The following PTCHD4 variants were observed in gnomAD, a reference collection of about 807,000 sequenced individuals.
PTCHD4 encodes patched domain containing 4.
In PTCHD4, 33 loss-of-function variants were observed where a neutral mutation model predicts 58.1. That is an observed-to-expected ratio of 0.57 (90% CI 0.43 to 0.76). PTCHD4 has a LOEUF of 0.76. Among genes scored for constraint, PTCHD4 ranks in the 30% least tolerant of loss-of-function variants. PTCHD4 has a pLI of 0.00. For synonymous variants in PTCHD4, 478 were observed against 409.6 expected (o/e 1.17, Z -2.02); for missense variants, 1,058 against 1,027.1 (o/e 1.03, Z -0.41).
intron 1 of PTCHD4, among the ~76,000 whole-genome samples, chr6:48,106,630 G>A (rs1765730742): frequency 6.6e-6 from 1 of 152,082 alleles, no homozygotes; most frequent in African/African-American, 2.4e-5. Flanking sequence ...GGAAATAAAG[G>A]GCATTCAATT....
At chr6:47,917,863 C>T (rs182560700) in intron 4 of PTCHD4, among the ~76,000 whole-genome samples, 2 of 152,076 alleles carry the variant, frequency 1.3e-5, no homozygotes, top group East Asian at 1.9e-4. Context: ...TAGTTGTAAC[C>T]ATGAAAAGTG....
Position 47,868,931 on chromosome 6 carries a change from G to C in PTCHD4, c.*9372C>G, listed in dbSNP as rs1305072007. Among the ~76,000 whole-genome samples, 1 of 151,488 alleles carries C rather than the reference G, an allele frequency of 6.6e-6. No homozygotes were observed. The highest frequency in any genetic ancestry group is 2.4e-5 in the African/African-American group (1 of 41,290). ...AAACATTTCCAGGAAAGACATAAAGGCATCCTTGTTTTTAAGAAAACATAC... is the reference window on the plus strand; with the variant it reads ...AAACATTTCCAGGAAAGACATAAAGCCATCCTTGTTTTTAAGAAAACATAC... On this transcript the variant is annotated 3_prime_UTR_variant, in exon 5 of 5. Coordinates refer to ENST00000339488, the MANE Select transcript of PTCHD4 (RefSeq NM_001384253.1).
At chr6:48,065,162 G>A (rs1764754430) in intron 3 of PTCHD4, among the ~76,000 whole-genome samples, 1 of 152,128 alleles carries the variant, frequency 6.6e-6, no homozygotes, top group South Asian at 2.1e-4. Context: ...TCATAACAAA[G>A]GTTTCTGACC....
At chr6:47,975,019 A>G (rs1472725616) in intron 4 of PTCHD4, among the ~76,000 whole-genome samples, 2 of 152,134 alleles carry the variant, frequency 1.3e-5, no homozygotes, top group South Asian at 4.1e-4. Context: ...AACAAACAAA[A>G]CAAAACAGTT....
chr6:47,921,602 A>G (rs1208815083), intron 4 of PTCHD4, among the ~76,000 whole-genome samples: 1 of 152,094 alleles, frequency 6.6e-6, no homozygotes, highest in Non-Finnish European at 1.5e-5. Flanking sequence ...TCTTTAAGAG[A>G]CAGTGCCATG....
chr6:47,878,059 G>A lies in PTCHD4; in HGVS notation c.*244C>T. 5.4e-6 allele frequency: 2 copies of A among 371,102 alleles called. No homozygotes were observed. The highest frequency in any genetic ancestry group is 4.3e-5 in the East Asian group (1 of 23,244). The allele number at this position is 371,102 out of a possible 1,614,324, so 23.0% of individuals were successfully genotyped here. The stretch of plus-strand genomic sequence containing the variant: ...ATTGATTCATCCATTCCTTGGAAGA[G>A]CTCTCAGATTACATCCAGAAACTTG... On this transcript the variant is annotated 3_prime_UTR_variant, in exon 5 of 5. Transcript: ENST00000339488.
At chr6:47,940,441 G>A (rs1426388738) in intron 4 of PTCHD4, among the ~76,000 whole-genome samples, 1 of 151,942 alleles carries the variant, frequency 6.6e-6, no homozygotes, top group Non-Finnish European at 1.5e-5. Flanking sequence ...AGAGAGAGAG[G>A]GAAGCAATTT....
At chr6:47,997,949 T>C (rs969088046) in intron 4 of PTCHD4, among the ~76,000 whole-genome samples, 1 of 152,098 alleles carries the variant, frequency 6.6e-6, no homozygotes, top group Admixed American at 6.6e-5. Context: ...ATCTAGGAAG[T>C]ATATCTCCCA....
At chr6:48,064,809 T>A (rs1764743468) in intron 3 of PTCHD4, among the ~76,000 whole-genome samples, 2 of 152,190 alleles carry the variant, frequency 1.3e-5, no homozygotes. Context: ...ATATGATTTG[T>A]GTGCCTAGTG....
In PTCHD4 at chr6:47,861,492, T is replaced by C. The variant is rs1763424684; in HGVS notation, c.*16811A>G. ...TCAAGGCTGTATCTGCTGTGTTTAATACACTAATCAATCATTAGGCATCCT... is the reference window on the plus strand; with the variant it reads ...TCAAGGCTGTATCTGCTGTGTTTAACACACTAATCAATCATTAGGCATCCT... On this transcript the variant is annotated 3_prime_UTR_variant, in exon 5 of 5. Transcript: ENST00000339488. Among the ~76,000 whole-genome samples, 3 of 151,950 alleles carry C rather than the reference T, an allele frequency of 2.0e-5. No homozygotes were observed. The highest frequency in any genetic ancestry group is 2.1e-4 in the South Asian group (1 of 4,832).
At chr6:48,029,424 G>C (rs1410971922) in intron 3 of PTCHD4, among the ~76,000 whole-genome samples, 3 of 151,998 alleles carry the variant, frequency 2.0e-5, no homozygotes, top group African/African-American at 7.2e-5. Context: ...AAAATTGTTA[G>C]CCCAATATCA....
At position 47,925,568 on chromosome 6, in the gene PTCHD4, C is replaced by T. The variant is rs77927395; in HGVS notation, c.899-45632G>A. ...GAGGACCTGACAGATTTCTTTCTGA[C>T]TTGCTGCAATCCTAAAAGAAGCACA... On this transcript the variant is annotated intron_variant, in intron 4 of 4. Transcript: ENST00000339488. 8.4e-3 allele frequency among the ~76,000 whole-genome samples: 1,282 copies of T among 152,336 alleles called. 31 individuals carry two copies. Among genetic ancestry groups the T allele is most frequent in the African/African-American group, 0.029 (1,213 of 41,578 alleles).
At chr6:47,898,239 C>A (rs575869057) in intron 4 of PTCHD4, among the ~76,000 whole-genome samples, 1 of 152,252 alleles carries the variant, frequency 6.6e-6, no homozygotes, top group African/African-American at 2.4e-5. Context: ...CCACTGCACC[C>A]AGCCATCATT....
intron 1 of PTCHD4, among the ~76,000 whole-genome samples, chr6:48,095,374 A>G (rs1382912292): frequency 1.3e-5 from 2 of 152,180 alleles, no homozygotes; most frequent in Non-Finnish European, 2.9e-5. Flanking sequence ...CTTATTCCAT[A>G]GTGATCTTCT....
rs1351598198 is a variant in PTCHD4, at chr6:47,893,100, T to A, written c.899-13164A>T. On this transcript the variant is annotated intron_variant, in intron 4 of 4. Transcript: ENST00000339488. ...ATCTTGGCTCACTGCAACCTCTGCC[T>A]CCCGGGTTCAAGCGATTTTCCTGCC... Among the ~76,000 whole-genome samples, 3 of 152,306 alleles carry A rather than the reference T, an allele frequency of 2.0e-5. No homozygotes were observed. The East Asian group carries it at 5.8e-4, about 29-fold the overall frequency.
At chr6:47,977,452 A>C (rs1767733615) in intron 4 of PTCHD4, among the ~76,000 whole-genome samples, 1 of 152,206 alleles carries the variant, frequency 6.6e-6, no homozygotes, top group Non-Finnish European at 1.5e-5. Flanking sequence ...TCAACAGCTC[A>C]TGAGGAGTTG....
intron 4 of PTCHD4, among the ~76,000 whole-genome samples, chr6:47,935,647 T>A (rs1765972035): frequency 1.3e-5 from 2 of 152,170 alleles, no homozygotes; most frequent in Admixed American, 6.5e-5. Flanking sequence ...CTGGTATGCA[T>A]TTAATTATGC....
rs201377289 is a variant in PTCHD4, at chr6:47,897,018, G to GT, written c.899-17083dup. ...AGTACCTGGCACTCAGTAAATATTA[G>GT]TTTTTTTTGTAAAATTGAGGAATGA... is the stretch of plus-strand genomic sequence containing the variant. On this transcript the variant is annotated intron_variant, in intron 4 of 4. Transcript: ENST00000339488. Among the ~76,000 whole-genome samples the GT allele has an allele frequency of 6.3e-4, 95 of 151,876 alleles. 1 individual carries two copies. In the East Asian group the frequency reaches 7.9e-3, roughly 13 times the overall value.
chr6:48,038,043 C>T lies in PTCHD4; in HGVS notation c.418-28929G>A, dbSNP rs116827247. On this transcript the variant is annotated intron_variant, in intron 3 of 4. Transcript: ENST00000339488. ...TAGTAATGTCACTCTCGGTGGCTGACCAAAAAGAAAAAATAAAGACTAAAA... is the reference window on the plus strand; with the variant it reads ...TAGTAATGTCACTCTCGGTGGCTGATCAAAAAGAAAAAATAAAGACTAAAA... Among the ~76,000 whole-genome samples the T allele has an allele frequency of 7.4e-3, 1,106 of 149,520 alleles. 7 individuals carry two copies. Among genetic ancestry groups the T allele is most frequent in the African/African-American group, 0.024 (988 of 40,642 alleles).
Sources: gnomAD v4.1 joint callset for allele counts (sites outside exome capture counted in the v4.1 genomes callset) on GRCh38, gnomAD v4.1.1 for gene constraint, MANE v1.5 for transcripts, NCBI Gene and HGNC (gene_info 2026-07-23, HGNC 2026-07-21) for gene names.